Variants in KAZN observed in about 807,000 individuals in gnomAD.
KAZN encodes the protein kazrin, periplakin interacting protein.
In KAZN, 40 loss-of-function variants were observed where a neutral mutation model predicts 87.4. The ratio of observed to expected loss-of-function variants is 0.46; its 90% CI spans 0.36 to 0.60. KAZN has a LOEUF of 0.60. KAZN is among the 20% of genes least tolerant of loss of function. The pLI is 0.00. For missense variants in KAZN, 898 were observed against 1,073.9 expected, an observed-to-expected ratio of 0.84 and a Z score of 2.29; for synonymous variants, 466 against 458.3, an observed-to-expected ratio of 1.02 and a Z score of -0.22.
intron 2 of KAZN, among the ~76,000 whole-genome samples, chr1:14,200,370 C>CT (rs369589006): frequency 2.6e-5 from 4 of 151,876 alleles, no homozygotes; most frequent in Non-Finnish European, 4.4e-5. Context: ...TTCATCCTTT[C>CT]TTTTTTTTGA....
At chr1:14,183,476 T>C (rs887438393) in intron 2 of KAZN, among the ~76,000 whole-genome samples, 1 of 152,142 alleles carries the variant, frequency 6.6e-6, no homozygotes, top group African/African-American at 2.4e-5. Flanking sequence ...CCAAATTCAA[T>C]GGAGTCTGCC....
chr1:14,267,622 CTATAA>C (rs1443361283), intron 2 of KAZN, among the ~76,000 whole-genome samples: 1 of 150,986 alleles, frequency 6.6e-6, no homozygotes, highest in African/African-American at 2.5e-5. Flanking sequence ...AAAGGGAAAA[CTATAA>C]TATAACATAT....
chr1:14,383,631 T>G lies in KAZN; in HGVS notation c.249+203039T>G, dbSNP rs558307346. 3.2e-3 allele frequency among the ~76,000 whole-genome samples: 487 copies of G among 152,174 alleles called. 5 individuals are homozygous for G. The highest frequency in any genetic ancestry group is 0.011 in the African/African-American group (442 of 41,486). On this transcript the variant is annotated intron_variant, in intron 2 of 16. Transcript: ENST00000636203. ...GTCAAAGATCAGATAGTTGTAGATA[T>G]GCGGCATTATTTCTGAGGGCTCTGT...
intron 1 of KAZN, among the ~76,000 whole-genome samples, chr1:14,755,413 T>A (rs1383737393): frequency 6.6e-6 from 1 of 152,198 alleles, no homozygotes; most frequent in East Asian, 1.9e-4. Context: ...GGGAAATGTC[T>A]ATGAAAGCTT....
At chr1:14,554,838 CCAAT>C (rs1673761848) in intron 2 of KAZN, among the ~76,000 whole-genome samples, 2 of 152,192 alleles carry the variant, frequency 1.3e-5, no homozygotes, top group Admixed American at 1.3e-4. Flanking sequence ...ATCGTTATTA[CCAAT>C]CAATTATTCA....
intron 1 of KAZN, among the ~76,000 whole-genome samples, chr1:14,893,537 A>G (rs1654947485): frequency 1.3e-5 from 2 of 151,204 alleles, no homozygotes; most frequent in South Asian, 4.2e-4. Flanking sequence ...TGAGACCCCC[A>G]TCTTCCCTTC....
intron 13 of KAZN, 38 bp from the exon 14 acceptor site, chr1:15,112,389 G>A (rs1308377594): frequency 1.7e-6 from 2 of 1,156,604 alleles, no homozygotes. Context: ...GGAGCTGACT[G>A]AGCCTCCCCT....
rs1650097457 is a variant in KAZN, at chr1:14,856,318, G to A, written c.227-104366G>A. Among the ~76,000 whole-genome samples, 1 of 152,202 alleles carries A rather than the reference G, an allele frequency of 6.6e-6. No individual in the cohort carries two copies. Among genetic ancestry groups the A allele is most frequent in the Admixed American group, 6.5e-5 (1 of 15,288 alleles). Reference sequence around the variant, plus strand: ...CTTTTATGGGTACCTATGCATTCATGCCTAAGTGTGAGCTTGAACTGTACC... The same window carrying A: ...CTTTTATGGGTACCTATGCATTCATACCTAAGTGTGAGCTTGAACTGTACC... On this transcript the variant is annotated intron_variant, in intron 1 of 14. Coordinates refer to ENST00000376030, the MANE Select transcript of KAZN (RefSeq NM_201628.3). This position sits in a 1 kb window ranked among gnomAD's most constrained non-coding sequence, Gnocchi z 5.2.
chr1:14,399,010 AAG>A (rs1268330279), intron 2 of KAZN, among the ~76,000 whole-genome samples: 1 of 152,022 alleles, frequency 6.6e-6, no homozygotes, highest in Non-Finnish European at 1.5e-5. Flanking sequence ...TCCCTGGACA[AAG>A]AAATTTTGGA....
intron 1 of KAZN, among the ~76,000 whole-genome samples, chr1:14,853,562 C>T (rs759659901): frequency 6.6e-6 from 1 of 152,118 alleles, no homozygotes; most frequent in African/African-American, 2.4e-5. Context: ...CTGGCTCTTA[C>T]TCCCACACTG....
chr1:14,380,592 G>C (rs1234229527), intron 2 of KAZN, among the ~76,000 whole-genome samples: 1 of 152,122 alleles, frequency 6.6e-6, no homozygotes, highest in African/African-American at 2.4e-5. Flanking sequence ...ATACATCAGA[G>C]TTTTTTAATA....
chr1:15,101,738 G>T lies in KAZN; in HGVS notation c.1743G>T (p.Gly581=), dbSNP rs200983584. 1 of 1,589,094 alleles carries T rather than the reference G, an allele frequency of 6.3e-7. No homozygotes were observed. The highest frequency in any genetic ancestry group is 1.2e-5 in the South Asian group (1 of 86,726). ...KKFHQVSILL[G]IELLYQVNFS... ...TCCACCAGGTCAGCATCCTGCTGGGGATCGAGCTGCTGTACCAAGTGAACT... is the reference window on the plus strand; with the variant it reads ...TCCACCAGGTCAGCATCCTGCTGGGTATCGAGCTGCTGTACCAAGTGAACT... The change falls in exon 11 of 15, where the codon GGG becomes GGT. Residue 581 remains glycine (G), a synonymous_variant. Coordinates refer to ENST00000376030, the MANE Select transcript of KAZN (RefSeq NM_201628.3).
At chr1:14,296,040 T>C (rs1341533363) in intron 2 of KAZN, among the ~76,000 whole-genome samples, 2 of 152,174 alleles carry the variant, frequency 1.3e-5, no homozygotes, top group African/African-American at 4.8e-5. Flanking sequence ...AAAATCATAG[T>C]ACCTACCTCA....
At chr1:14,341,895 T>C (rs1233114444) in intron 2 of KAZN, among the ~76,000 whole-genome samples, 1 of 152,206 alleles carries the variant, frequency 6.6e-6, no homozygotes, top group Non-Finnish European at 1.5e-5. Flanking sequence ...ATTTGTGACA[T>C]GGGGGTTTGT....
At chr1:14,305,726 C>T (rs113574234) in intron 2 of KAZN, among the ~76,000 whole-genome samples, 2,904 of 151,440 alleles carry the variant, frequency 0.019, 100 homozygotes, top group African/African-American at 0.067. Flanking sequence ...CAGGGTATCG[C>T]TAAGAACCAG....
chr1:14,329,507 G>C (rs1221673682), intron 2 of KAZN, among the ~76,000 whole-genome samples: 1 of 152,224 alleles, frequency 6.6e-6, no homozygotes, highest in African/African-American at 2.4e-5. Context: ...ACTTGGCAGG[G>C]ACATGATTGG....
chr1:14,232,406 G>A (rs941734527), intron 2 of KAZN, among the ~76,000 whole-genome samples: 23 of 152,150 alleles, frequency 1.5e-4, no homozygotes, highest in Non-Finnish European at 3.4e-4. Flanking sequence ...GCATGTAGAA[G>A]TTCCAGCCCC....
At chr1:15,059,424 G>A (rs1302569536) in intron 5 of KAZN, among the ~76,000 whole-genome samples, 3 of 152,328 alleles carry the variant, frequency 2.0e-5, no homozygotes, top group Non-Finnish European at 2.9e-5. Flanking sequence ...GGCTCTAGCC[G>A]AGGCTGCTGG....
intron 1 of KAZN, among the ~76,000 whole-genome samples, chr1:14,740,185 C>A (rs1023543959): frequency 2.6e-5 from 4 of 152,158 alleles, no homozygotes; most frequent in Non-Finnish European, 4.4e-5. Flanking sequence ...GCAGCTGTGG[C>A]TTAGACATCC....
Sources: allele counts gnomAD v4.1 joint callset (sites outside exome capture counted in the v4.1 genomes callset), GRCh38; gene constraint gnomAD v4.1.1; non-coding constraint Gnocchi (gnomAD v3.1); transcripts MANE v1.5; gene names NCBI Gene and HGNC (gene_info 2026-07-23, HGNC 2026-07-21).